The following SPACA7 variants were observed in gnomAD, a reference collection of about 807,000 sequenced individuals.
SPACA7 encodes sperm acrosome associated 7, also known as sperm acrosome-associated protein 7.
A neutral mutation model predicts 26.3 loss-of-function variants in SPACA7; 19 were observed. That is an observed-to-expected ratio of 0.72 (90% CI 0.50 to 1.06). The LOEUF is 1.06. SPACA7 is among the 50% of genes least tolerant of loss of function. SPACA7 has a pLI of 0.00. For missense variants in SPACA7, 211 were observed against 229.9 expected, an observed-to-expected ratio of 0.92 and a Z score of 0.53; for synonymous variants, 84 against 84.5, an observed-to-expected ratio of 0.99 and a Z score of 0.04.
At chr13:112,424,765 A>T (rs973533752) in intron 5 of SPACA7, among the ~76,000 whole-genome samples, 2 of 152,176 alleles carry the variant, frequency 1.3e-5, no homozygotes, top group East Asian at 3.9e-4. Flanking sequence ...TGACAGGAAC[A>T]CAAGAGGCAG....
chr13:112,424,806 C>T (rs1226204669), intron 5 of SPACA7, among the ~76,000 whole-genome samples: 1 of 152,130 alleles, frequency 6.6e-6, no homozygotes, highest in Admixed American at 6.5e-5. Context: ...GGGCTGAGAG[C>T]TGTCTGTTCA....
chr13:112,391,349 A>C (rs1884875398), intron 1 of SPACA7, among the ~76,000 whole-genome samples: 1 of 152,218 alleles, frequency 6.6e-6, no homozygotes, highest in Non-Finnish European at 1.5e-5. Context: ...CATTTGCCTC[A>C]GAAATTGAGT....
At chr13:112,385,219 C>G (rs932337704) in intron 1 of SPACA7, among the ~76,000 whole-genome samples, 1 of 152,116 alleles carries the variant, frequency 6.6e-6, no homozygotes, top group Non-Finnish European at 1.5e-5. Context: ...AGTTTTGTCC[C>G]ATTACTCTTT....
intron 1 of SPACA7, among the ~76,000 whole-genome samples, chr13:112,379,543 T>A (rs1167461788): frequency 1.3e-5 from 2 of 152,178 alleles, no homozygotes; most frequent in Non-Finnish European, 2.9e-5. Flanking sequence ...CCAGGACATA[T>A]CATGGACAGT....
intron 1 of SPACA7, among the ~76,000 whole-genome samples, chr13:112,389,460 A>T (rs1332587761): frequency 6.6e-6 from 1 of 152,260 alleles, no homozygotes; most frequent in East Asian, 1.9e-4. Context: ...TTTATTTAAC[A>T]AACAGTCTCA....
chr13:112,400,180 C>T (rs1446310947), intron 4 of SPACA7, among the ~76,000 whole-genome samples: 2 of 152,184 alleles, frequency 1.3e-5, no homozygotes, highest in Non-Finnish European at 2.9e-5. Context: ...GTGCCAGGAG[C>T]CAAGCATTTC....
At chr13:112,406,685 T>C (rs1222558440) in intron 5 of SPACA7, among the ~76,000 whole-genome samples, 1 of 152,190 alleles carries the variant, frequency 6.6e-6, no homozygotes, top group Non-Finnish European at 1.5e-5. Context: ...TTAGGATGGG[T>C]AACATTAATG....
At position 112,432,333 on chromosome 13, in the gene SPACA7, G is replaced by T. The variant is rs535804083; in HGVS notation, c.446-111G>T. 2.6e-5 allele frequency: 21 copies of T among 805,630 alleles called. No homozygotes were observed. The African/African-American group carries it at 3.2e-4, about 12-fold the overall frequency. 49.9% of individuals were successfully genotyped at this position (805,630 alleles called of 1,614,324 possible). ...GCACCTCACCCCGCTTGCTCTGTGCGTGGGTGCTGCTTTGCTCAGCGCTTA... is the reference window on the plus strand; with the variant it reads ...GCACCTCACCCCGCTTGCTCTGTGCTTGGGTGCTGCTTTGCTCAGCGCTTA... On this transcript the variant is annotated intron_variant, in intron 5 of 6. Transcript: ENST00000283550.
chr13:112,429,012 T>C (rs183643511), intron 5 of SPACA7, among the ~76,000 whole-genome samples: 1 of 152,254 alleles, frequency 6.6e-6, no homozygotes, highest in Non-Finnish European at 1.5e-5. Flanking sequence ...GTTTCCTTCA[T>C]GTACTTTGAA....
chr13:112,429,469 C>T (rs1380883222), intron 5 of SPACA7, among the ~76,000 whole-genome samples: 1 of 151,498 alleles, frequency 6.6e-6, no homozygotes, highest in East Asian at 1.9e-4. Flanking sequence ...AACTATTTTA[C>T]CTTTCTTTTG....
chr13:112,424,026 C>A (rs896773553), intron 5 of SPACA7, among the ~76,000 whole-genome samples: 9 of 152,170 alleles, frequency 5.9e-5, no homozygotes, highest in Non-Finnish European at 1.0e-4. Flanking sequence ...GAGAGAACTT[C>A]GTTTTAAAGA....
chr13:112,386,823 A>G (rs1413138160), intron 1 of SPACA7, among the ~76,000 whole-genome samples: 1 of 152,222 alleles, frequency 6.6e-6, no homozygotes, highest in Non-Finnish European at 1.5e-5. Context: ...TAGCCAGGCC[A>G]AGTGGCTAAT....
intron 1 of SPACA7, among the ~76,000 whole-genome samples, chr13:112,385,560 A>G (rs755570132): frequency 6.6e-6 from 1 of 152,210 alleles, no homozygotes; most frequent in Non-Finnish European, 1.5e-5. Context: ...GGCCTTATCT[A>G]TAATCTAATG....
intron 5 of SPACA7, among the ~76,000 whole-genome samples, chr13:112,402,415 A>G (rs1885706113): frequency 6.6e-6 from 1 of 152,130 alleles, no homozygotes; most frequent in Non-Finnish European, 1.5e-5. Context: ...TTCTTGTTTG[A>G]GTTAGCTTTA....
intron 5 of SPACA7, among the ~76,000 whole-genome samples, chr13:112,416,062 G>A (rs373775907): frequency 1.1e-4 from 17 of 152,024 alleles, no homozygotes; most frequent in African/African-American, 4.1e-4. Context: ...GGGCAGGGTG[G>A]TGTAGGCAAT....
rs1470482852 is a variant in SPACA7 at position 112,434,530 on chromosome 13, G to A, written c.569G>A (p.Arg190Lys). The A allele has an allele frequency of 3.7e-6, 6 of 1,609,614 alleles. No homozygotes were observed. The highest frequency in any genetic ancestry group is 5.1e-6 in the Non-Finnish European group (6 of 1,178,340). Residue 190 changes from arginine (R) to lysine (K), a missense_variant, in exon 7 of 7, where the codon AGG (arginine) becomes AAG (lysine). Arg to Lys is a conservative substitution (Grantham distance 26). Coordinates refer to ENST00000283550, the MANE Select transcript of SPACA7 (RefSeq NM_145248.5). ...CAGCAGAGGACCAGCGCACAGAGGA[G>A]GAGCCAAGGCAGTCAGTGAGGCCGC... The part of the protein sequence containing the change: ...KEQQRTSAQR[R>K]SQGSQ
intron 5 of SPACA7, among the ~76,000 whole-genome samples, chr13:112,424,308 C>A (rs541601974): frequency 1.3e-5 from 2 of 152,206 alleles, no homozygotes; most frequent in African/African-American, 4.8e-5. Flanking sequence ...TTCAATTCTG[C>A]GTTTAGCCTT....
At chr13:112,392,505 G>A (rs1402149182) in intron 1 of SPACA7, among the ~76,000 whole-genome samples, 6 of 152,152 alleles carry the variant, frequency 3.9e-5, no homozygotes, top group Non-Finnish European at 8.8e-5. Context: ...GAGCCATGAA[G>A]CCAGGTCTTC....
At position 112,432,441 on chromosome 13, in the gene SPACA7, C is replaced by A. The variant is rs1477007252; in HGVS notation, c.446-3C>A. 1 of 1,601,626 alleles carries A rather than the reference C, an allele frequency of 6.2e-7. No individual in the cohort carries two copies. The highest frequency in any genetic ancestry group is 1.3e-5 in the African/African-American group (1 of 74,678). Reference sequence around the variant, plus strand: ...ATCATTGTACTTATTGTTTTCCCCACAGAAAAGAATTCAAAGAACACTCAG... The same window carrying A: ...ATCATTGTACTTATTGTTTTCCCCAAAGAAAAGAATTCAAAGAACACTCAG... On this transcript the variant is annotated splice_polypyrimidine_tract_variant and splice_region_variant and intron_variant, in intron 5 of 6. Transcript: ENST00000283550.
Sources: allele counts gnomAD v4.1 joint callset (sites outside exome capture counted in the v4.1 genomes callset), GRCh38; gene constraint gnomAD v4.1.1; transcripts MANE v1.5; gene names NCBI Gene and HGNC (gene_info 2026-07-23, HGNC 2026-07-21).